The following BCAS3 variants were observed in gnomAD, a reference collection of about 807,000 sequenced individuals.
The protein encoded by BCAS3 is BCAS4/BCAS3 fusion.
A neutral mutation model predicts 116.1 loss-of-function variants in BCAS3; 53 were observed. The observed-to-expected ratio is 0.46, with a 90% CI of 0.37 to 0.57. The LOEUF is 0.57. Ranked by LOEUF, BCAS3 falls within the 20% of genes least tolerant of loss-of-function variation. The probability of loss-of-function intolerance (pLI) is 0.00; values close to 1 mark genes in which losing one functional copy is unlikely to be tolerated. For synonymous variants in BCAS3, 391 were observed against 408.2 expected (o/e 0.96, Z 0.51); for missense variants, 917 against 1,165.4 (o/e 0.79, Z 3.10).
At chr17:60,811,375 G>A in intron 7 of BCAS3, 2 of 624,548 alleles carry the variant, frequency 3.2e-6, no homozygotes, top group Non-Finnish European at 2.9e-6. Flanking sequence ...GCAACTCCAG[G>A]CAAACCATCC....
intron 9 of BCAS3, among the ~76,000 whole-genome samples, chr17:60,875,244 A>G (rs1441825871): frequency 3.3e-5 from 5 of 152,156 alleles, no homozygotes; most frequent in African/African-American, 1.2e-4. Flanking sequence ...AGCTGTAAGC[A>G]CAATTTCCTT....
In BCAS3 at chr17:61,083,541, A is replaced by G. The variant is rs1019769309; in HGVS notation, c.2328-926A>G. Among the ~76,000 whole-genome samples, 1 of 151,448 alleles carries G rather than the reference A, an allele frequency of 6.6e-6. No individual in the cohort carries two copies. The highest frequency in any genetic ancestry group is 2.4e-5 in the African/African-American group (1 of 41,230). On this transcript the variant is annotated intron_variant, in intron 21 of 23. Transcript: ENST00000407086. This position sits in a 1 kb window ranked among gnomAD's most constrained non-coding sequence, Gnocchi z 4.9. Reference sequence around the variant, plus strand: ...AGATACTTTTATGTTAATAGTATTTATTCTAATGCAGCTAGAAAGAGACAC... The same window carrying G: ...AGATACTTTTATGTTAATAGTATTTGTTCTAATGCAGCTAGAAAGAGACAC...
intron 7 of BCAS3, among the ~76,000 whole-genome samples, chr17:60,829,646 T>C (rs2050742665): frequency 6.6e-6 from 1 of 152,198 alleles, no homozygotes; most frequent in African/African-American, 2.4e-5. Context: ...TACATTTCTG[T>C]TTGGTATATG....
At chr17:61,264,839 C>CT (rs2049536340) in intron 22 of BCAS3, among the ~76,000 whole-genome samples, 7 of 152,186 alleles carry the variant, frequency 4.6e-5, no homozygotes, top group Admixed American at 4.6e-4. Flanking sequence ...AGCCCTATCT[C>CT]TAATATCTCA....
chr17:60,771,216 G>A (rs1293613164), intron 6 of BCAS3, among the ~76,000 whole-genome samples: 1 of 152,054 alleles, frequency 6.6e-6, no homozygotes, highest in African/African-American at 2.4e-5. Flanking sequence ...ATCACATGAT[G>A]TAAAAAGTAG....
At chr17:60,997,704 C>T (rs1006906810) in intron 15 of BCAS3, among the ~76,000 whole-genome samples, 2 of 152,202 alleles carry the variant, frequency 1.3e-5, no homozygotes, top group South Asian at 2.1e-4. Context: ...CTCCCTACTT[C>T]TTCAGGTACA....
intron 6 of BCAS3, among the ~76,000 whole-genome samples, chr17:60,803,796 A>ATTTTT (rs11384999): frequency 2.9e-4 from 26 of 89,334 alleles, no homozygotes; most frequent in East Asian, 6.8e-4. Flanking sequence ...AACTATTACG[A>ATTTTT]TTTTTTTTTT....
chr17:60,731,780 ATTT>A (rs538038279), intron 5 of BCAS3, among the ~76,000 whole-genome samples: 1 of 125,952 alleles, frequency 7.9e-6, no homozygotes, highest in Non-Finnish European at 1.7e-5. Flanking sequence ...TCACCCTCCT[ATTT>A]TTTTTTTTTT....
At chr17:60,817,560 G>A (rs770134805) in intron 7 of BCAS3, among the ~76,000 whole-genome samples, 3 of 152,184 alleles carry the variant, frequency 2.0e-5, no homozygotes, top group Non-Finnish European at 2.9e-5. Context: ...TGTAGATTAT[G>A]TCATTTAACT....
intron 22 of BCAS3, among the ~76,000 whole-genome samples, chr17:61,143,233 A>G (rs1032289691): frequency 2.6e-5 from 4 of 152,230 alleles, no homozygotes; most frequent in African/African-American, 9.6e-5. Flanking sequence ...AGCTGCACTT[A>G]AGACTGTTCA....
rs1416523921 is a variant in BCAS3 at position 61,219,897 on chromosome 17, G to A, written c.2425+135333G>A. ...ATCCTGTTTGGGGTAGGAAAAACAA[G>A]GCAGGTTATGGGGGGAGAGGAGTAG... is the stretch of plus-strand genomic sequence containing the variant. On this transcript the variant is annotated intron_variant, in intron 22 of 23. Coordinates refer to ENST00000407086, the MANE Select transcript of BCAS3 (RefSeq NM_017679.5). This position sits in a 1 kb window ranked among gnomAD's most constrained non-coding sequence, Gnocchi z 5.2. 1.3e-5 allele frequency among the ~76,000 whole-genome samples: 2 copies of A among 152,200 alleles called. No individual in the cohort carries two copies. The highest frequency in any genetic ancestry group is 4.8e-5 in the African/African-American group (2 of 41,444).
At chr17:60,945,847 A>G (rs888319645) in intron 13 of BCAS3, among the ~76,000 whole-genome samples, 3 of 151,802 alleles carry the variant, frequency 2.0e-5, no homozygotes, top group African/African-American at 7.3e-5. Context: ...AATGCCAGGC[A>G]TGGTGACTCA....
chr17:61,039,767 C>T (rs1428965439), intron 18 of BCAS3, among the ~76,000 whole-genome samples: 1 of 152,052 alleles, frequency 6.6e-6, no homozygotes, highest in African/African-American at 2.4e-5. Context: ...TTGGAGAATA[C>T]CTCTGTTTGA....
At chr17:61,321,445 A>G (rs1175763795) in intron 22 of BCAS3, among the ~76,000 whole-genome samples, 1 of 152,220 alleles carries the variant, frequency 6.6e-6, no homozygotes. Flanking sequence ...GTCCTGGGCC[A>G]TGAGGAAATG....
intron 22 of BCAS3, among the ~76,000 whole-genome samples, chr17:61,294,145 A>C (rs78438219): frequency 0.062 from 9,501 of 152,304 alleles, 320 homozygotes; most frequent in African/African-American, 0.098. Context: ...TCTCCAAAAT[A>C]AGTTATTTTA....
In BCAS3 at chr17:61,290,793, T is replaced by A. The variant is rs183249327; in HGVS notation, c.2426-77534T>A. 8.5e-5 allele frequency among the ~76,000 whole-genome samples: 13 copies of A among 152,326 alleles called. No homozygotes were observed. In the East Asian group the frequency reaches 2.5e-3, roughly 29 times the overall value. ...CAAGGGACTTTTTAGTTTGCATTTT[T>A]TTTTTGAGTCAGAGTCTCGCTCTGT... is the stretch of plus-strand genomic sequence containing the variant. On this transcript the variant is annotated intron_variant, in intron 22 of 23. Transcript: ENST00000407086.
chr17:61,281,924 T>G lies in BCAS3; in HGVS notation c.2426-86403T>G, dbSNP rs539318098. Among the ~76,000 whole-genome samples the G allele has an allele frequency of 2.8e-4, 43 of 152,344 alleles. No homozygotes were observed. Among genetic ancestry groups the G allele is most frequent in the African/African-American group, 9.1e-4 (38 of 41,580 alleles). The stretch of plus-strand genomic sequence containing the variant: ...CGCTACTTCCTTTTTACAAGACTGT[T>G]GTGCACATAATAGATGTTCAAGACT... On this transcript the variant is annotated intron_variant, in intron 22 of 23. Coordinates refer to ENST00000407086, the MANE Select transcript of BCAS3 (RefSeq NM_017679.5). The surrounding 1 kb of genome is among the most constrained non-coding windows in gnomAD (Gnocchi z 4.2).
chr17:61,245,590 C>A (rs2047878071), intron 22 of BCAS3, among the ~76,000 whole-genome samples: 1 of 151,824 alleles, frequency 6.6e-6, no homozygotes, highest in Non-Finnish European at 1.5e-5. Context: ...AAAGTTGTTT[C>A]CAAACAATGT....
intron 22 of BCAS3, among the ~76,000 whole-genome samples, chr17:61,165,192 C>G (rs1366818012): frequency 1.3e-4 from 20 of 152,096 alleles, no homozygotes; most frequent in Non-Finnish European, 1.5e-5. Context: ...CTGTTAGGAC[C>G]AACAGCATGT....
Sources: allele counts gnomAD v4.1 joint callset (sites outside exome capture counted in the v4.1 genomes callset), GRCh38; gene constraint gnomAD v4.1.1; non-coding constraint Gnocchi (gnomAD v3.1); transcripts MANE v1.5; gene names NCBI Gene and HGNC (gene_info 2026-07-23, HGNC 2026-07-21).